Variants in SDK1 observed in about 807,000 individuals in gnomAD.
SDK1 encodes the protein sidekick cell adhesion molecule 1.
In SDK1, 157 loss-of-function variants were observed where a neutral mutation model predicts 245.5. The ratio of observed to expected loss-of-function variants is 0.64; its 90% CI spans 0.56 to 0.73. The LOEUF (loss-of-function observed/expected upper bound fraction) is 0.73, where lower values mean the gene tolerates loss of function less well. SDK1 is among the 30% of genes least tolerant of loss of function. SDK1 has a pLI of 0.00. For synonymous variants in SDK1, 1,647 were observed against 1,278.5 expected (o/e 1.29, Z -6.15); for missense variants, 3,583 against 3,002.3 (o/e 1.19, Z -4.52).
chr7:3,713,515 C>A (rs1305230964), intron 4 of SDK1, among the ~76,000 whole-genome samples: 1 of 152,192 alleles, frequency 6.6e-6, no homozygotes, highest in Non-Finnish European at 1.5e-5. Context: ...CTCTCCCCCA[C>A]CCGCAGCACT....
intron 4 of SDK1, among the ~76,000 whole-genome samples, chr7:3,753,934 A>G (rs1779846625): frequency 6.6e-6 from 1 of 152,254 alleles, no homozygotes; most frequent in South Asian, 2.1e-4. Flanking sequence ...GAAGGAAAGT[A>G]GAATGAAAAA....
Position 4,049,332 on chromosome 7 carries a change from G to A in SDK1, c.2603-16G>A, listed in dbSNP as rs552125020. 2.2e-4 allele frequency: 346 copies of A among 1,607,424 alleles called. 2 individuals are homozygous for A. Among genetic ancestry groups the A allele is most frequent in the South Asian group, 2.0e-3 (180 of 90,902 alleles). ...TGCCATTTGTTCTGCTGTCATCAAT[G>A]ACTGCCCTGCCACAGTGCCCACCGC... On this transcript the variant is annotated splice_polypyrimidine_tract_variant and intron_variant, in intron 17 of 44. Coordinates refer to ENST00000404826, the MANE Select transcript of SDK1 (RefSeq NM_152744.4).
intron 5 of SDK1, among the ~76,000 whole-genome samples, chr7:3,879,083 C>A (rs1181657345): frequency 1.3e-5 from 2 of 152,162 alleles, no homozygotes; most frequent in Non-Finnish European, 2.9e-5. Context: ...TTGGTCTCCC[C>A]ACCTTTACGA....
chr7:3,927,870 T>C (rs993274152), intron 5 of SDK1, among the ~76,000 whole-genome samples: 1 of 152,216 alleles, frequency 6.6e-6, no homozygotes, highest in African/African-American at 2.4e-5. Context: ...AGTTAACAAA[T>C]GGTTGTTCCT....
intron 32 of SDK1, among the ~76,000 whole-genome samples, 159 bp downstream of exon 32, chr7:4,162,015 G>A (rs978283069): frequency 2.0e-5 from 3 of 152,140 alleles, no homozygotes; most frequent in Non-Finnish European, 4.4e-5. Flanking sequence ...ACGCGAGGGG[G>A]AAATGGTGTC....
chr7:3,808,532 G>C (rs1173605307), intron 4 of SDK1, among the ~76,000 whole-genome samples: 1 of 152,208 alleles, frequency 6.6e-6, no homozygotes, highest in African/African-American at 2.4e-5. Flanking sequence ...ATCCCAGCCC[G>C]ACCTGCACCG....
chr7:3,357,534 G>C (rs1780837559), intron 1 of SDK1, among the ~76,000 whole-genome samples: 1 of 150,370 alleles, frequency 6.7e-6, no homozygotes, highest in Non-Finnish European at 1.5e-5. Context: ...TTTTTGTAGA[G>C]ATGGGGTCTT....
At chr7:4,001,988 C>T (rs550866885) in intron 14 of SDK1, among the ~76,000 whole-genome samples, 8 of 152,354 alleles carry the variant, frequency 5.3e-5, no homozygotes, top group African/African-American at 9.6e-5. Flanking sequence ...TGGGGGCCCT[C>T]GCAGTCCCCT....
chr7:3,620,814 C>A (rs539512016), intron 2 of SDK1, among the ~76,000 whole-genome samples: 8 of 152,066 alleles, frequency 5.3e-5, no homozygotes, highest in African/African-American at 1.9e-4. Flanking sequence ...ACCTCACTTG[C>A]TCTCCCCATT....
intron 17 of SDK1, among the ~76,000 whole-genome samples, chr7:4,034,385 A>G (rs990077107): frequency 3.3e-5 from 5 of 152,190 alleles, no homozygotes; most frequent in Admixed American, 1.3e-4. Flanking sequence ...TTTGATGCCA[A>G]TATTGTGGTT....
rs113577061 is a variant in SDK1 at position 4,037,086 on chromosome 7, C to T, written c.2603-12262C>T. Among the ~76,000 whole-genome samples the T allele has an allele frequency of 3.1e-3, 467 of 152,240 alleles. 5 individuals carry two copies. The highest frequency in any genetic ancestry group is 0.011 in the African/African-American group (447 of 41,538). ...ATGATGATGATAACGATGCATTGTT[C>T]ATAGATTCTTGCAAAACTCTTTGGA... On this transcript the variant is annotated intron_variant, in intron 17 of 44. Transcript: ENST00000404826.
chr7:3,936,985 C>T (rs994680791), intron 5 of SDK1, among the ~76,000 whole-genome samples: 2 of 152,250 alleles, frequency 1.3e-5, no homozygotes, highest in African/African-American at 2.4e-5. Context: ...TGTTGGAACT[C>T]GGAGAGGCTG....
At chr7:3,373,863 C>G (rs945712216) in intron 1 of SDK1, among the ~76,000 whole-genome samples, 6 of 152,016 alleles carry the variant, frequency 3.9e-5, no homozygotes, top group Non-Finnish European at 7.4e-5. Context: ...CAAAGAAGAC[C>G]TCATTCACAA....
Position 3,974,399 on chromosome 7 carries a change from G to T in SDK1, c.1848G>T (p.Leu616=). Residue 616 remains leucine (L), a synonymous_variant, in exon 13 of 45, where the codon CTG becomes CTT. Coordinates refer to ENST00000404826, the MANE Select transcript of SDK1 (RefSeq NM_152744.4). ...RYVWKKDNVA[L]TPSSTSRIVV... The stretch of plus-strand genomic sequence containing the variant: ...TTTGGAAGAAGGACAACGTGGCCCT[G>T]ACTCCATCGAGCACGTCTAGGATCG... 2 of 1,613,918 alleles carry T rather than the reference G, an allele frequency of 1.2e-6. No homozygotes were observed. The highest frequency in any genetic ancestry group is 1.7e-6 in the Non-Finnish European group (2 of 1,179,900).
chr7:3,497,747 T>C (rs527964703), intron 1 of SDK1, among the ~76,000 whole-genome samples: 5 of 152,336 alleles, frequency 3.3e-5, no homozygotes, highest in African/African-American at 1.2e-4. Flanking sequence ...ATTTAGGCCA[T>C]GGAGAGCTTT....
At chr7:3,685,434 C>G (rs1016463547) in intron 4 of SDK1, among the ~76,000 whole-genome samples, 1 of 152,112 alleles carries the variant, frequency 6.6e-6, no homozygotes, top group East Asian at 1.9e-4. Flanking sequence ...AAGATGTTAG[C>G]AAACCTGTCC....
intron 35 of SDK1, among the ~76,000 whole-genome samples, chr7:4,197,340 T>G (rs1783644570): frequency 6.6e-6 from 1 of 150,922 alleles, no homozygotes; most frequent in Non-Finnish European, 1.5e-5. Context: ...AAGAAACAAT[T>G]AGATGGGTAT....
intron 1 of SDK1, among the ~76,000 whole-genome samples, chr7:3,485,705 T>TTTTTTTTTTG (rs1781671818): frequency 2.1e-5 from 3 of 145,458 alleles, no homozygotes; most frequent in Admixed American, 6.9e-5. Flanking sequence ...TTTTTTTTTT[T>TTTTTTTTTTG]GAGCCATCTT....
chr7:4,145,999 C>A, intron 29 of SDK1, 83 bp downstream of exon 29: 1 of 1,270,070 alleles, frequency 7.9e-7, no homozygotes, highest in Non-Finnish European at 1.1e-6. Context: ...CTGCGGGGTA[C>A]CTGGGAGGCT....
Sources: allele counts gnomAD v4.1 joint callset (sites outside exome capture counted in the v4.1 genomes callset), GRCh38; gene constraint gnomAD v4.1.1; transcripts MANE v1.5; gene names NCBI Gene and HGNC (gene_info 2026-07-23, HGNC 2026-07-21).